The following EPB41L4A variants were observed in gnomAD, a reference collection of about 807,000 sequenced individuals.
The protein encoded by EPB41L4A is band 4.1-like protein 4A.
Under a neutral mutation model 108.6 loss-of-function variants are expected in EPB41L4A, and 100 were observed. The observed-to-expected ratio is 0.92, with a 90% confidence interval of 0.78 to 1.09. EPB41L4A has a LOEUF of 1.09. EPB41L4A is among the 50% of genes least tolerant of loss of function. The probability of loss-of-function intolerance (pLI) is 0.00; values close to 1 mark genes in which losing one functional copy is unlikely to be tolerated. For synonymous variants in EPB41L4A, 319 were observed against 289.0 expected (o/e 1.10, Z -1.05); for missense variants, 1,030 against 842.7 (o/e 1.22, Z -2.75).
chr5:112,292,015 C>T (rs973250361), intron 2 of EPB41L4A, among the ~76,000 whole-genome samples: 1 of 152,202 alleles, frequency 6.6e-6, no homozygotes, highest in East Asian at 1.9e-4. Context: ...TTTTTCTCTA[C>T]ATACCACCCA....
intron 1 of EPB41L4A, among the ~76,000 whole-genome samples, chr5:112,401,322 T>G (rs1173525989): frequency 1.3e-5 from 2 of 152,222 alleles, no homozygotes; most frequent in Non-Finnish European, 2.9e-5. Flanking sequence ...CATCAAACAC[T>G]TGCATCAAAC....
intron 1 of EPB41L4A, among the ~76,000 whole-genome samples, chr5:112,405,666 A>C (rs1480409934): frequency 6.6e-6 from 1 of 152,224 alleles, no homozygotes; most frequent in Non-Finnish European, 1.5e-5. Context: ...CGAGGGTTTC[A>C]GATAAGGCAC....
At chr5:112,357,261 T>C (rs558417875) in intron 1 of EPB41L4A, among the ~76,000 whole-genome samples, 50 of 152,340 alleles carry the variant, frequency 3.3e-4, no homozygotes, top group African/African-American at 1.2e-3. Flanking sequence ...TGGCAAAGCC[T>C]GATTAAACGA....
intron 1 of EPB41L4A, among the ~76,000 whole-genome samples, chr5:112,352,758 G>A (rs147604614): frequency 6.6e-6 from 1 of 152,250 alleles, no homozygotes; most frequent in African/African-American, 2.4e-5. Context: ...TTGTTGATGT[G>A]TGTTATATCT....
At chr5:112,362,536 C>T (rs1024051822) in intron 1 of EPB41L4A, among the ~76,000 whole-genome samples, 5 of 152,168 alleles carry the variant, frequency 3.3e-5, no homozygotes, top group African/African-American at 1.2e-4. Context: ...CCACCTCAGC[C>T]TCCCAAAGTG....
At chr5:112,149,775 C>T (rs913427993) in intron 12 of EPB41L4A, among the ~76,000 whole-genome samples, 6 of 152,004 alleles carry the variant, frequency 3.9e-5, no homozygotes, top group South Asian at 2.1e-4. Context: ...AAATATGGGA[C>T]GTCCTGAGAG....
At chr5:112,277,129 C>G (rs1010734731) in intron 3 of EPB41L4A, among the ~76,000 whole-genome samples, 2 of 152,176 alleles carry the variant, frequency 1.3e-5, no homozygotes, top group African/African-American at 4.8e-5. Flanking sequence ...CTGTGTCAAT[C>G]AAGCTCCATG....
chr5:112,205,747 A>G lies in EPB41L4A; in HGVS notation c.1179-243T>C, dbSNP rs181498825. 5.3e-5 allele frequency among the ~76,000 whole-genome samples: 8 copies of G among 152,254 alleles called. No individual in the cohort carries two copies. In the East Asian group the frequency reaches 1.5e-3, roughly 29 times the overall value. On this transcript the variant is annotated intron_variant, in intron 13 of 22. Coordinates refer to ENST00000261486, the MANE Select transcript of EPB41L4A (RefSeq NM_022140.5). ...TTTACTGCTTTAGTCAACAGATGCC[A>G]GGTCCATCAATTGTTAAGAAACTCT...
At chr5:112,237,702 C>G (rs2150374270) in intron 11 of EPB41L4A, among the ~76,000 whole-genome samples, 1 of 152,302 alleles carries the variant, frequency 6.6e-6, no homozygotes, top group South Asian at 2.1e-4. Context: ...TGGTTAAAGT[C>G]TGGTTGCTTG....
intron 9 of EPB41L4A, among the ~76,000 whole-genome samples, chr5:112,247,918 C>G (rs986355876): frequency 1.3e-5 from 2 of 152,118 alleles, no homozygotes; most frequent in African/African-American, 4.8e-5. Flanking sequence ...AAAAAAACTA[C>G]CATCACTTAA....
chr5:112,236,726 T>C (rs893449285), intron 11 of EPB41L4A, among the ~76,000 whole-genome samples: 2 of 152,184 alleles, frequency 1.3e-5, no homozygotes, highest in African/African-American at 4.8e-5. Flanking sequence ...CTTCAGCCTC[T>C]AAGTGAGACA....
intron 18 of EPB41L4A, among the ~76,000 whole-genome samples, chr5:112,179,967 T>C (rs1761062420): frequency 6.6e-6 from 1 of 152,120 alleles, no homozygotes; most frequent in Non-Finnish European, 1.5e-5. Context: ...ACAAGGCTTA[T>C]GGGGTGGCAG....
chr5:112,291,586 G>A (rs1753646932), intron 2 of EPB41L4A, among the ~76,000 whole-genome samples: 1 of 152,118 alleles, frequency 6.6e-6, no homozygotes, highest in Non-Finnish European at 1.5e-5. Flanking sequence ...CCACCTTTCT[G>A]ACTGTGGGTC....
chr5:112,291,686 T>A (rs1255926548), intron 2 of EPB41L4A, among the ~76,000 whole-genome samples: 1 of 152,190 alleles, frequency 6.6e-6, no homozygotes, highest in Non-Finnish European at 1.5e-5. Context: ...GGAAAAGGAA[T>A]GCTGACATCA....
intron 15 of EPB41L4A, chr5:112,196,605 T>G (rs1264691143): frequency 6.6e-6 from 1 of 152,246 alleles, no homozygotes; most frequent in African/African-American, 2.4e-5. Flanking sequence ...TTCAATAACA[T>G]GCATGCTGAT....
intron 13 of EPB41L4A, among the ~76,000 whole-genome samples, 184 bp downstream of exon 13, chr5:112,209,708 G>C (rs889851438): frequency 6.6e-6 from 1 of 152,174 alleles, no homozygotes; most frequent in African/African-American, 2.4e-5. Flanking sequence ...AAGAGAGTCA[G>C]GTCCTGATGT....
intron 12 of EPB41L4A, among the ~76,000 whole-genome samples, chr5:112,230,602 A>G (rs1748835007): frequency 6.6e-6 from 1 of 151,944 alleles, no homozygotes; most frequent in Non-Finnish European, 1.5e-5. Context: ...TGCTGATTTC[A>G]GTTCCTCGTA....
rs115395873 is a variant in EPB41L4A, at chr5:112,406,359, G to A, written c.99+12582C>T. Among the ~76,000 whole-genome samples the A allele has an allele frequency of 2.9e-3, 446 of 152,240 alleles. 2 individuals carry two copies. Among genetic ancestry groups the A allele is most frequent in the African/African-American group, 0.01 (416 of 41,548 alleles). On this transcript the variant is annotated intron_variant, in intron 1 of 22. Coordinates refer to ENST00000261486, the MANE Select transcript of EPB41L4A (RefSeq NM_022140.5). ...TTCCTGGAGAGATATGCAGCATGGAGCTTTAAAAACTCAGGGAAAAGGCTT... is the reference window on the plus strand; with the variant it reads ...TTCCTGGAGAGATATGCAGCATGGAACTTTAAAAACTCAGGGAAAAGGCTT...
chr5:112,339,487 T>TATAG (rs1561585040), intron 1 of EPB41L4A, among the ~76,000 whole-genome samples: 1 of 28,906 alleles, frequency 3.5e-5, no homozygotes, highest in African/African-American at 8.3e-5. Context: ...TATATATATA[T>TATAG]ATATATATCT....
Sources: gnomAD v4.1 joint callset for allele counts (sites outside exome capture counted in the v4.1 genomes callset) on GRCh38, gnomAD v4.1.1 for gene constraint, MANE v1.5 for transcripts, NCBI Gene and HGNC (gene_info 2026-07-23, HGNC 2026-07-21) for gene names.